Variants in CNOT1 observed in about 807,000 individuals in gnomAD.
CNOT1 encodes CCR4-associated factor 1.
A neutral mutation model predicts 273.8 loss-of-function variants in CNOT1; 15 were observed. The ratio of observed to expected loss-of-function variants is 0.05; its 90% CI spans 0.04 to 0.08. The LOEUF is 0.08. CNOT1 is among the 10% of genes least tolerant of loss of function. The pLI is 1.00. For missense variants in CNOT1, 1,644 were observed against 2,912.2 expected (o/e 0.56, Z 10.02); for synonymous variants, 1,022 against 1,005.5 (o/e 1.02, Z -0.31).
At position 58,560,218 on chromosome 16, in the gene CNOT1, A is replaced by G; in HGVS notation, c.2124T>C (p.Pro708=). 1 of 1,613,902 alleles carries G rather than the reference A, an allele frequency of 6.2e-7. No individual in the cohort carries two copies. The highest frequency in any genetic ancestry group is 8.5e-7 in the Non-Finnish European group (1 of 1,179,896). ...PSASSLDAIS[P]VQIDPLAGMT... is the part of the protein sequence containing the mutation. Reference sequence around the variant, plus strand: ...AAATGTAGCACTCATTTACCTGAACAGGAGAAATGGCATCTAAGCTGCTAG... The same window carrying G: ...AAATGTAGCACTCATTTACCTGAACGGGAGAAATGGCATCTAAGCTGCTAG... The change falls in exon 17 of 49, where the codon CCT becomes CCC. Residue 708 remains proline (P), a synonymous_variant. Transcript: ENST00000317147.
At chr16:58,596,468 C>T (rs1245187261) in intron 2 of CNOT1, among the ~76,000 whole-genome samples, 3 of 151,982 alleles carry the variant, frequency 2.0e-5, no homozygotes, top group Admixed American at 6.6e-5. Context: ...AATTGATGTA[C>T]GATGGAGTGT....
intron 22 of CNOT1, 42 bp downstream of exon 22, chr16:58,553,740 T>A: frequency 6.3e-7 from 1 of 1,579,186 alleles, no homozygotes; most frequent in Non-Finnish European, 8.6e-7. Context: ...ACCCTCCAAA[T>A]ACTACATAGC....
chr16:58,539,446 C>CAG (rs79096112), intron 35 of CNOT1, among the ~76,000 whole-genome samples: 1 of 146,876 alleles, frequency 6.8e-6, no homozygotes, highest in East Asian at 2.0e-4. Flanking sequence ...TCAAGCCTGA[C>CAG]AGAGAGAGAC....
chr16:58,591,175 A>G (rs1254266466), intron 2 of CNOT1, among the ~76,000 whole-genome samples: 1 of 152,230 alleles, frequency 6.6e-6, no homozygotes, highest in African/African-American at 2.4e-5. Context: ...TCTGAAGATC[A>G]GAAAAAGGGT....
Position 58,545,395 on chromosome 16 carries a change from G to A in CNOT1, c.4103C>T (p.Ala1368Val), listed in dbSNP as rs1046144555. ...SYHDINVYSL[A>V]GLAPHITLNP... ...CAGAGTAATGTGTGGTGCCAAGCCCGCAAGGGAATAGACATTGATGTCGTG... is the reference window on the plus strand; with the variant it reads ...CAGAGTAATGTGTGGTGCCAAGCCCACAAGGGAATAGACATTGATGTCGTG... Residue 1368 changes from alanine to valine, a missense_variant, in exon 30 of 49, where the codon GCG (alanine) becomes GTG (valine). By Grantham distance (64) the Ala-to-Val change is moderately conservative. Coordinates refer to ENST00000317147, the MANE Select transcript of CNOT1 (RefSeq NM_016284.5). 2 of 1,613,996 alleles carry A rather than the reference G, an allele frequency of 1.2e-6. No individual in the cohort carries two copies. The highest frequency in any genetic ancestry group is 1.7e-6 in the Non-Finnish European group (2 of 1,179,896).
chr16:58,599,094 A>AGAT (rs1374983247), intron 2 of CNOT1, 142 bp downstream of exon 2: 31 of 924,520 alleles, frequency 3.4e-5, no homozygotes, highest in African/African-American at 3.3e-4. Context: ...GCTCTTTTAC[A>AGAT]GATGATGATG....
rs1167076484 is a variant in CNOT1, at chr16:58,532,297, G to C, written c.5994C>G (p.Leu1998=). ...CATGCTCAGGTGCATTGAGTTCCAA[G>C]AGAAGCATGATAAAAATTCGATGGT... ...LPYHRIFIML[L]LELNAPEHVL... The change falls in exon 41 of 49, where the codon CTC becomes CTG. Residue 1998 remains leucine (L), a synonymous_variant. Coordinates refer to ENST00000317147, the MANE Select transcript of CNOT1 (RefSeq NM_016284.5). 1 of 1,614,152 alleles carries C rather than the reference G, an allele frequency of 6.2e-7. No individual in the cohort carries two copies. Among genetic ancestry groups the C allele is most frequent in the Non-Finnish European group, 8.5e-7 (1 of 1,180,026 alleles).
At chr16:58,590,803 T>C (rs574793883) in intron 2 of CNOT1, among the ~76,000 whole-genome samples, 14 of 152,298 alleles carry the variant, frequency 9.2e-5, no homozygotes, top group African/African-American at 3.1e-4. Context: ...GAATTAACTA[T>C]GATCCAATTA....
At chr16:58,523,606 T>TA in intron 46 of CNOT1, 104 bp from the exon 47 acceptor site, 1 of 1,051,670 alleles carries the variant, frequency 9.5e-7, no homozygotes, top group Non-Finnish European at 1.4e-6. Flanking sequence ...GCTTTCAAAT[T>TA]AATCTTTGGT....
At chr16:58,544,051 A>G in intron 30 of CNOT1, 148 bp from the exon 31 acceptor site, 1 of 1,319,686 alleles carries the variant, frequency 7.6e-7, no homozygotes, top group Non-Finnish European at 1.0e-6. Context: ...AATTCGGGTA[A>G]CAGAAACTGA....
At chr16:58,536,953 T>C in intron 39 of CNOT1, 36 bp downstream of exon 39, 1 of 1,608,922 alleles carries the variant, frequency 6.2e-7, no homozygotes, top group Non-Finnish European at 8.5e-7. Flanking sequence ...CCTACTTATG[T>C]TGAATAAAAA....
chr16:58,595,787 T>TA (rs1334895482), intron 2 of CNOT1, among the ~76,000 whole-genome samples: 4 of 151,988 alleles, frequency 2.6e-5, no homozygotes, highest in Non-Finnish European at 2.9e-5. Flanking sequence ...TCACCAGTAA[T>TA]AAAGTATAAC....
chr16:58,621,013 A>G (rs541915455), intron 1 of CNOT1, among the ~76,000 whole-genome samples: 60 of 105,486 alleles, frequency 5.7e-4, no homozygotes, highest in African/African-American at 1.5e-3. Flanking sequence ...AGACAAAAAG[A>G]TAACTTTTTT....
chr16:58,543,124 C>G (rs538883208), intron 31 of CNOT1: 20 of 1,303,956 alleles, frequency 1.5e-5, no homozygotes, highest in Middle Eastern at 3.0e-4. Flanking sequence ...AAAAAACAAC[C>G]AAAAAAAATC....
chr16:58,597,874 G>C (rs2042317630), intron 2 of CNOT1: 1 of 320,248 alleles, frequency 3.1e-6, no homozygotes, highest in Admixed American at 4.1e-5. Context: ...TGGCTGGACA[G>C]AAGTAGGTGG....
At position 58,599,050 on chromosome 16, in the gene CNOT1, CA is replaced by C. The variant is rs55921701; in HGVS notation, c.102+185del. The C allele has an allele frequency of 0.27, 81,574 of 307,164 alleles. 3,312 individuals are homozygous for C. Among genetic ancestry groups the C allele is most frequent in the African/African-American group, 0.42 (12,990 of 31,260 alleles). 19.0% of individuals were successfully genotyped at this position (307,164 alleles called of 1,614,324 possible). On this transcript the variant is annotated intron_variant, in intron 2 of 48. Coordinates refer to ENST00000317147, the MANE Select transcript of CNOT1 (RefSeq NM_016284.5). ...TGGACGACAGAGTAAGACTCTGTCT[CA>C]AAAAAAAAAAAAAAAAAAAGATTGG...
intron 1 of CNOT1, among the ~76,000 whole-genome samples, chr16:58,626,043 G>A (rs2043566941): frequency 6.6e-6 from 1 of 152,124 alleles, no homozygotes; most frequent in Admixed American, 6.6e-5. Flanking sequence ...TTTTAGTTTG[G>A]TCAGAGGGTC....
chr16:58,585,383 G>T lies in CNOT1; in HGVS notation c.761C>A (p.Ser254Tyr). The T allele has an allele frequency of 6.2e-7, 1 of 1,613,830 alleles. No homozygotes were observed. The highest frequency in any genetic ancestry group is 8.5e-7 in the Non-Finnish European group (1 of 1,179,994). The change falls in exon 8 of 49, where the codon TCT becomes TAT. Residue 254 changes from serine (S) to tyrosine (Y), a missense_variant. Physicochemically the swap from Ser to Tyr is moderately radical, Grantham distance 144. Transcript: ENST00000317147. Reference sequence around the variant, plus strand: ...TACTTCTTGCATGAAATCAGCCAAAGAGCTCTCCATCATGGTTTTAGCTAC... The same window carrying T: ...TACTTCTTGCATGAAATCAGCCAAATAGCTCTCCATCATGGTTTTAGCTAC... ...GGVAKTMMESSLADFMQEVGY... is the reference protein window; with the variant it reads ...GGVAKTMMESYLADFMQEVGY...
At chr16:58,559,772 G>A (rs771591658) in intron 17 of CNOT1, 1 of 501,878 alleles carries the variant, frequency 2.0e-6, no homozygotes, top group East Asian at 5.6e-5. Flanking sequence ...AGAGAAGGGG[G>A]TGGTTGATGT....
Sources: gnomAD v4.1 joint callset for allele counts (sites outside exome capture counted in the v4.1 genomes callset) on GRCh38, gnomAD v4.1.1 for gene constraint, MANE v1.5 for transcripts, NCBI Gene and HGNC (gene_info 2026-07-23, HGNC 2026-07-21) for gene names.